The following NELL1 variants were observed in gnomAD, a reference collection of about 807,000 sequenced individuals.
NELL1 encodes the protein protein kinase C-binding protein NELL1.
Under a neutral mutation model 107.4 loss-of-function variants are expected in NELL1, and 76 were observed. The observed-to-expected ratio is 0.71, with a 90% CI of 0.59 to 0.86. The LOEUF is 0.86. NELL1 is among the 40% of genes least tolerant of loss of function. The pLI is 0.00. For synonymous variants in NELL1, 353 were observed against 341.2 expected (o/e 1.03, Z -0.38); for missense variants, 1,024 against 1,005.5 (o/e 1.02, Z -0.25).
At chr11:21,486,136 C>A (rs1266291864) in intron 15 of NELL1, among the ~76,000 whole-genome samples, 1 of 152,110 alleles carries the variant, frequency 6.6e-6, no homozygotes, top group Non-Finnish European at 1.5e-5. Context: ...CTGATACTAC[C>A]AACATCCAAG....
At chr11:20,995,499 C>T (rs1329685774) in intron 12 of NELL1, among the ~76,000 whole-genome samples, 1 of 151,904 alleles carries the variant, frequency 6.6e-6, no homozygotes, top group Admixed American at 6.6e-5. Flanking sequence ...AATTGCTTGA[C>T]CCCAGGAAGC....
intron 13 of NELL1, among the ~76,000 whole-genome samples, chr11:21,228,226 C>T (rs886941597): frequency 3.3e-5 from 5 of 152,090 alleles, no homozygotes; most frequent in Non-Finnish European, 7.4e-5. Flanking sequence ...TGGGTAACTC[C>T]GTTAACTTGC....
At chr11:21,109,219 A>C (rs1250779044) in intron 12 of NELL1, among the ~76,000 whole-genome samples, 1 of 152,090 alleles carries the variant, frequency 6.6e-6, no homozygotes. Context: ...AAAAAACAGC[A>C]TCTATTTTTT....
intron 12 of NELL1, among the ~76,000 whole-genome samples, chr11:21,098,892 A>G (rs1015131008): frequency 2.6e-5 from 4 of 152,066 alleles, no homozygotes; most frequent in African/African-American, 9.7e-5. Flanking sequence ...ACTCTCAGGC[A>G]TGTCTCTGAG....
intron 12 of NELL1, among the ~76,000 whole-genome samples, chr11:21,037,092 A>G (rs1159442849): frequency 2.0e-5 from 3 of 152,058 alleles, no homozygotes; most frequent in Non-Finnish European, 2.9e-5. Flanking sequence ...AAGTACCAGT[A>G]CTGTTTAATA....
chr11:21,481,417 A>G (rs1397650974), intron 15 of NELL1, among the ~76,000 whole-genome samples: 1 of 152,212 alleles, frequency 6.6e-6, no homozygotes, highest in East Asian at 1.9e-4. Context: ...GCAAGTGAAG[A>G]TTGCAGCATG....
At chr11:20,696,196 A>T (rs931074282) in intron 2 of NELL1, among the ~76,000 whole-genome samples, 1 of 151,860 alleles carries the variant, frequency 6.6e-6, no homozygotes, top group Non-Finnish European at 1.5e-5. Flanking sequence ...CTAGTGCTCT[A>T]TTGATCTTGT....
intron 12 of NELL1, among the ~76,000 whole-genome samples, chr11:20,988,937 A>G (rs1168202600): frequency 6.6e-6 from 1 of 152,024 alleles, no homozygotes; most frequent in Non-Finnish European, 1.5e-5. Flanking sequence ...TTAGAGTTGG[A>G]CATATCTGAG....
At chr11:21,347,577 G>A (rs959883055) in intron 14 of NELL1, among the ~76,000 whole-genome samples, 1 of 152,082 alleles carries the variant, frequency 6.6e-6, no homozygotes, top group Admixed American at 6.5e-5. Context: ...ACTCCAGGCT[G>A]GGCAACAAGA....
chr11:20,724,100 C>T lies in NELL1; in HGVS notation c.184+46040C>T, dbSNP rs145305170. ...TGAGGCTGCACAGAGCAGCTGGGCCCTGGGCCTGGCCTATGAAGCCATTTT... is the reference window on the plus strand; with the variant it reads ...TGAGGCTGCACAGAGCAGCTGGGCCTTGGGCCTGGCCTATGAAGCCATTTT... On this transcript the variant is annotated intron_variant, in intron 2 of 19. Transcript: ENST00000357134. Among the ~76,000 whole-genome samples the T allele has an allele frequency of 7.6e-4, 116 of 151,904 alleles. 2 individuals are homozygous for T. The highest frequency in any genetic ancestry group is 2.6e-3 in the African/African-American group (109 of 41,508).
At chr11:21,016,057 G>A (rs928183384) in intron 12 of NELL1, among the ~76,000 whole-genome samples, 11 of 152,012 alleles carry the variant, frequency 7.2e-5, no homozygotes, top group African/African-American at 2.4e-4. Context: ...AATGAGAAGC[G>A]ACTGCCATTG....
intron 2 of NELL1, among the ~76,000 whole-genome samples, chr11:20,710,071 G>T (rs1005148726): frequency 1.3e-5 from 2 of 152,090 alleles, no homozygotes; most frequent in Admixed American, 6.6e-5. Context: ...CTCTGGCTAG[G>T]ACTTCCAGTA....
intron 15 of NELL1, among the ~76,000 whole-genome samples, chr11:21,451,221 GAAAAAGA>G (rs1853576690): frequency 2.0e-5 from 3 of 147,122 alleles, no homozygotes; most frequent in East Asian, 4.0e-4. Context: ...AAAGAAAAAA[GAAAAAGA>G]AAAAAGAAAT....
chr11:20,776,400 C>T (rs774909980), intron 2 of NELL1, among the ~76,000 whole-genome samples: 10 of 151,932 alleles, frequency 6.6e-5, no homozygotes, highest in Non-Finnish European at 1.2e-4. Context: ...GATCACACCA[C>T]GATCCAGCCT....
chr11:21,152,017 C>G lies in NELL1; in HGVS notation c.1426+38303C>G, dbSNP rs150400850. The stretch of plus-strand genomic sequence containing the variant: ...CTGACAATATAGAGGTAAGTATGGA[C>G]ACTAATCCTCCCTGAAGGTGAAGTA... On this transcript the variant is annotated intron_variant, in intron 13 of 19. Transcript: ENST00000357134. 3.3e-5 allele frequency among the ~76,000 whole-genome samples: 5 copies of G among 152,292 alleles called. No homozygotes were observed. The East Asian group carries it at 9.6e-4, about 29-fold the overall frequency.
At chr11:21,128,567 T>C (rs183785260) in intron 13 of NELL1, among the ~76,000 whole-genome samples, 1 of 152,284 alleles carries the variant, frequency 6.6e-6, no homozygotes, top group African/African-American at 2.4e-5. Flanking sequence ...TCAAAATCTT[T>C]AGTATTTTTT....
chr11:21,415,000 G>A (rs917761637), intron 15 of NELL1, among the ~76,000 whole-genome samples: 2 of 151,988 alleles, frequency 1.3e-5, no homozygotes, highest in Non-Finnish European at 2.9e-5. Flanking sequence ...AGGAAAAGAA[G>A]ACAACTAAAG....
chr11:21,036,540 A>T (rs1220205400), intron 12 of NELL1, among the ~76,000 whole-genome samples: 1 of 152,024 alleles, frequency 6.6e-6, no homozygotes, highest in Non-Finnish European at 1.5e-5. Flanking sequence ...TCTTTCCCAT[A>T]TTCTCTATTT....
Position 20,755,559 on chromosome 11 carries a change from T to TTTTTTA in NELL1, c.185-28119_185-28118insTTTATT. ...GTTTTTGTTTTTTTTTGTTTTTGTT[T>TTTTTTA]TTGTTTTTTTTTTTTTGAGACAGAA... On this transcript the variant is annotated intron_variant, in intron 2 of 19. Transcript: ENST00000357134. Among the ~76,000 whole-genome samples, 3 of 17,686 alleles carry TTTTTTA rather than the reference T, an allele frequency of 1.7e-4. No homozygotes were observed. In the East Asian group the frequency reaches 3.6e-3, roughly 21 times the overall value. 11.6% of individuals were successfully genotyped at this position (17,686 alleles called of 152,430 possible).
Sources: gnomAD v4.1 joint callset for allele counts (sites outside exome capture counted in the v4.1 genomes callset) on GRCh38, gnomAD v4.1.1 for gene constraint, MANE v1.5 for transcripts, NCBI Gene and HGNC (gene_info 2026-07-23, HGNC 2026-07-21) for gene names.